ABR: variants seen among roughly 807,000 people sequenced by gnomAD.
The protein encoded by ABR is ABR activator of RhoGEF and GTPase.
A neutral mutation model predicts 107.2 loss-of-function variants in ABR; 35 were observed. That is an observed-to-expected ratio of 0.33 (90% CI 0.25 to 0.43). The LOEUF (loss-of-function observed/expected upper bound fraction) is 0.43. Ranked by LOEUF, ABR falls within the 20% of genes least tolerant of loss-of-function variation. ABR has a pLI of 1.00. For synonymous variants in ABR, 498 were observed against 462.0 expected (o/e 1.08, Z -1.00); for missense variants, 815 against 1,115.2 (o/e 0.73, Z 3.83).
chr17:1,141,126 G>A (rs924715615), intron 1 of ABR, among the ~76,000 whole-genome samples: 7 of 152,194 alleles, frequency 4.6e-5, no homozygotes, highest in East Asian at 1.9e-4. Flanking sequence ...CGTAGGCAAC[G>A]GGAAAGTAGA....
chr17:1,175,946 C>T (rs543442307), intron 1 of ABR, among the ~76,000 whole-genome samples: 2 of 152,242 alleles, frequency 1.3e-5, no homozygotes, highest in East Asian at 3.9e-4. Context: ...AAAAAATTAG[C>T]CGGGCGTGGT....
intron 10 of ABR, among the ~76,000 whole-genome samples, chr17:1,061,894 A>G (rs2033983457): frequency 6.6e-6 from 1 of 152,204 alleles, no homozygotes; most frequent in African/African-American, 2.4e-5. Context: ...ATGGAACAGA[A>G]GAAAATAGCG....
chr17:1,101,937 G>A (rs573136712), intron 2 of ABR, among the ~76,000 whole-genome samples: 6 of 152,058 alleles, frequency 3.9e-5, no homozygotes, highest in East Asian at 3.9e-4. Flanking sequence ...ATTTCACCGT[G>A]TTAGCCAGGA....
At chr17:1,134,934 A>C (rs1028231345) in intron 1 of ABR, among the ~76,000 whole-genome samples, 4 of 152,258 alleles carry the variant, frequency 2.6e-5, no homozygotes, top group African/African-American at 9.6e-5. Context: ...GATCAAGTGC[A>C]CGGGCCGCTG....
intron 1 of ABR, among the ~76,000 whole-genome samples, chr17:1,133,508 GGAT>G (rs149032983): frequency 0.027 from 4,181 of 152,060 alleles, 193 homozygotes; most frequent in African/African-American, 0.096. Flanking sequence ...AAAACTATAT[GGAT>G]GATGAATAGC....
chr17:1,057,018 G>C lies in ABR; in HGVS notation c.1466C>G (p.Pro489Arg). The change falls in exon 13 of 23, where the codon CCT (proline) becomes CGT (arginine). Residue 489 changes from proline (P) to arginine (R), a missense_variant. Transcript: ENST00000302538. ...CFKLRTVHNI[P>R]VTSNKDDDES... ...CTTACCGTCTTTATTGCTGGTGACAGGAATGTTGTGTACAGTCCTAAGCTT... is the reference window on the plus strand; with the variant it reads ...CTTACCGTCTTTATTGCTGGTGACACGAATGTTGTGTACAGTCCTAAGCTT... 6.2e-7 allele frequency: 1 copy of C among 1,609,636 alleles called. No individual in the cohort carries two copies. The highest frequency in any genetic ancestry group is 8.5e-7 in the Non-Finnish European group (1 of 1,176,420).
At chr17:1,133,417 A>C (rs1373349775) in intron 1 of ABR, among the ~76,000 whole-genome samples, 1 of 152,164 alleles carries the variant, frequency 6.6e-6, no homozygotes, top group Non-Finnish European at 1.5e-5. Flanking sequence ...TGTAAGTGTG[A>C]AATATTAAAA....
chr17:1,050,204 G>A lies in ABR; in HGVS notation c.1660-23C>T, dbSNP rs756871306. ...CTCCTGGGGAAAGATGGGACAAAGG[G>A]CCCTGAACCTCCGAAGCTGGGAGGC... is the stretch of plus-strand genomic sequence containing the variant. On this transcript the variant is annotated intron_variant, in intron 15 of 22. Transcript: ENST00000302538. This position sits in a 1 kb window ranked among gnomAD's most constrained non-coding sequence, Gnocchi z 4.6. 1.2e-6 allele frequency: 2 copies of A among 1,603,176 alleles called. No individual in the cohort carries two copies. Among genetic ancestry groups the A allele is most frequent in the South Asian group, 1.1e-5 (1 of 89,814 alleles).
In ABR at chr17:1,195,132, C is replaced by T. The variant is rs375326034; in HGVS notation, c.838+33661G>A. Among the ~76,000 whole-genome samples the T allele has an allele frequency of 5.5e-5, 8 of 144,494 alleles. No individual in the cohort carries two copies. The East Asian group carries it at 1.2e-3, about 21-fold the overall frequency. 94.8% of individuals were successfully genotyped at this position (144,494 alleles called of 152,430 possible). ...ACCATCCTGGCTAACACGGTGAAAC[C>T]CCGTCTCTACTAAAAATACAAAAAA... On this transcript the variant is annotated intron_variant, in intron 1 of 22. Transcript: ENST00000574139.
At chr17:1,093,274 G>C (rs2037162806) in intron 3 of ABR, among the ~76,000 whole-genome samples, 1 of 152,126 alleles carries the variant, frequency 6.6e-6, no homozygotes, top group East Asian at 2.0e-4. Context: ...TTCGAGACAA[G>C]TCTGACCAAC....
intron 2 of ABR, among the ~76,000 whole-genome samples, chr17:1,101,946 G>A (rs578103227): frequency 4.6e-5 from 7 of 151,992 alleles, no homozygotes; most frequent in Non-Finnish European, 1.0e-4. Flanking sequence ...TGTTAGCCAG[G>A]ATGGTCTCGA....
chr17:1,088,637 G>C (rs948684854), intron 4 of ABR, among the ~76,000 whole-genome samples: 1 of 151,924 alleles, frequency 6.6e-6, no homozygotes, highest in Admixed American at 6.6e-5. Context: ...CCAGGCTGGA[G>C]TGGAGTGGCA....
At chr17:1,178,003 C>T (rs1226634269) in intron 1 of ABR, 1 of 152,322 alleles carries the variant, frequency 6.6e-6, no homozygotes, top group Admixed American at 6.5e-5. Context: ...GGGGATCCGG[C>T]TTTGCCCCTT....
intron 1 of ABR, among the ~76,000 whole-genome samples, chr17:1,219,209 A>T (rs1367761085): frequency 6.6e-6 from 1 of 151,664 alleles, no homozygotes; most frequent in East Asian, 1.9e-4. Flanking sequence ...CGCCTGGATA[A>T]TTTTTGTTTT....
At chr17:1,033,849 G>A (rs924356858) in intron 16 of ABR, among the ~76,000 whole-genome samples, 4 of 151,788 alleles carry the variant, frequency 2.6e-5, no homozygotes, top group Non-Finnish European at 2.9e-5. Flanking sequence ...CCCCTCCTTC[G>A]CCTGCCCCTT....
At chr17:1,194,048 A>G (rs2150700037) in intron 1 of ABR, among the ~76,000 whole-genome samples, 1 of 152,266 alleles carries the variant, frequency 6.6e-6, no homozygotes, top group East Asian at 1.9e-4. Context: ...GGAAGACACA[A>G]AGATGAATTT....
At chr17:1,056,954 G>C (rs2033350418) in intron 13 of ABR, 44 bp downstream of exon 13, 1 of 1,418,536 alleles carries the variant, frequency 7.0e-7, no homozygotes, top group South Asian at 1.2e-5. Flanking sequence ...ACGCTCTGAG[G>C]GCTGGGACCT....
At chr17:1,061,463 T>C (rs1050911842) in intron 10 of ABR, among the ~76,000 whole-genome samples, 1 of 152,204 alleles carries the variant, frequency 6.6e-6, no homozygotes, top group Non-Finnish European at 1.5e-5. Context: ...CTTTCCCCTG[T>C]TCAAAGGGAG....
chr17:1,181,616 G>A (rs755197717), upstream of ABR, among the ~76,000 whole-genome samples: 15 of 152,162 alleles, frequency 9.9e-5, no homozygotes, highest in Non-Finnish European at 2.1e-4. Flanking sequence ...CCAATGAGAC[G>A]CTCCAGAAAT....
Sources: gnomAD v4.1 joint callset for allele counts (sites outside exome capture counted in the v4.1 genomes callset) on GRCh38, gnomAD v4.1.1 for gene constraint, Gnocchi (gnomAD v3.1) non-coding constraint, MANE v1.5 for transcripts, NCBI Gene and HGNC (gene_info 2026-07-23, HGNC 2026-07-21) for gene names.